FGF12: variants seen among roughly 807,000 people sequenced by gnomAD.
The protein encoded by FGF12 is fibroblast growth factor 12B.
FGF12 carries 14 observed loss-of-function variants against 23.6 expected under a neutral mutation model. The observed-to-expected ratio is 0.59, with a 90% CI of 0.39 to 0.93. The LOEUF (loss-of-function observed/expected upper bound fraction) is 0.93, where lower values mean the gene tolerates loss of function less well. Among genes scored for constraint, FGF12 ranks in the 40% least tolerant of loss-of-function variants. FGF12 has a pLI of 0.00. For missense variants in FGF12, 175 were observed against 217.8 expected (o/e 0.80, Z 1.24); for synonymous variants, 62 against 77.3 (o/e 0.80, Z 1.04).
chr3:192,466,827 C>G (rs56923731), intron 2 of FGF12, among the ~76,000 whole-genome samples: 1 of 152,088 alleles, frequency 6.6e-6, no homozygotes, highest in Admixed American at 6.5e-5. Flanking sequence ...AAATCCAGAG[C>G]CCCTGGCTTC....
In FGF12 at chr3:192,413,550, G is replaced by A. The variant is rs536878743; in HGVS notation, c.14-53012C>T. Among the ~76,000 whole-genome samples, 40 of 152,308 alleles carry A rather than the reference G, an allele frequency of 2.6e-4. 1 individual carries two copies. The highest frequency in any genetic ancestry group is 1.5e-3 in the East Asian group (8 of 5,186). On this transcript the variant is annotated intron_variant, in intron 2 of 5. Transcript: ENST00000445105. ...AAATCTCCATTTAAATTAAGTCCCT[G>A]CCATAAAATACAGATTTCCTAAAAC...
rs1167879311 is a variant in FGF12, at chr3:192,514,322, G to C, written c.14-153784C>G. On this transcript the variant is annotated intron_variant, in intron 2 of 5. Coordinates refer to ENST00000445105, the MANE Select transcript of FGF12 (RefSeq NM_004113.6). This position sits in a 1 kb window ranked among gnomAD's most constrained non-coding sequence, Gnocchi z 4.9. ...TTTCGGAGACACTGAACAACTCCAA[G>C]TCGCGCGCCGCCCTCGCAAATCGCA... Among the ~76,000 whole-genome samples, 1 of 152,256 alleles carries C rather than the reference G, an allele frequency of 6.6e-6. No individual in the cohort carries two copies. Among genetic ancestry groups the C allele is most frequent in the Non-Finnish European group, 1.5e-5 (1 of 68,048 alleles).
In FGF12 at chr3:192,493,229, G is replaced by A. The variant is rs140386415; in HGVS notation, c.14-132691C>T. Among the ~76,000 whole-genome samples, 796 of 152,104 alleles carry A rather than the reference G, an allele frequency of 5.2e-3. 4 individuals carry two copies. The highest frequency in any genetic ancestry group is 9.1e-3 in the Non-Finnish European group (620 of 67,984). On this transcript the variant is annotated intron_variant, in intron 2 of 5. Coordinates refer to ENST00000445105, the MANE Select transcript of FGF12 (RefSeq NM_004113.6). ...AGATTTCTTCCTTGAACCTCAGCTT[G>A]CTCATCTGTGAAAGGACTAAATTAT...
intron 2 of FGF12, among the ~76,000 whole-genome samples, chr3:192,529,619 C>G (rs1725038126): frequency 6.6e-6 from 1 of 152,134 alleles, no homozygotes; most frequent in African/African-American, 2.4e-5. Flanking sequence ...TAAAGACATA[C>G]TGGAGACTGG....
chr3:192,369,189 T>C (rs558573130), intron 2 of FGF12, among the ~76,000 whole-genome samples: 2 of 152,344 alleles, frequency 1.3e-5, no homozygotes, highest in South Asian at 4.1e-4. Flanking sequence ...AGTGTTTGTA[T>C]GCTGAAGGAA....
At chr3:192,717,670 C>A (rs930172341) in intron 2 of FGF12, among the ~76,000 whole-genome samples, 4 of 152,104 alleles carry the variant, frequency 2.6e-5, no homozygotes, top group Non-Finnish European at 5.9e-5. Context: ...ACTTATAATT[C>A]AATCGTCATT....
intron 4 of FGF12, among the ~76,000 whole-genome samples, chr3:192,206,015 T>A (rs35772852): frequency 0.084 from 12,787 of 152,118 alleles, 549 homozygotes; most frequent in East Asian, 0.13. Context: ...CAAGAGAAGG[T>A]CACAGGAAGT....
At chr3:192,230,237 G>A (rs1299203901) in intron 4 of FGF12, among the ~76,000 whole-genome samples, 1 of 152,054 alleles carries the variant, frequency 6.6e-6, no homozygotes, top group Admixed American at 6.6e-5. Context: ...AAAATGTTTT[G>A]ATATCCCAAT....
At chr3:192,353,366 C>CTCT (rs1718311807) in intron 3 of FGF12, among the ~76,000 whole-genome samples, 3 of 98,406 alleles carry the variant, frequency 3.0e-5, no homozygotes, top group African/African-American at 1.3e-4. Context: ...GAGCAGAAGT[C>CTCT]TTTTTTTTTT....
chr3:192,725,038 G>A (rs1056288283), intron 2 of FGF12, among the ~76,000 whole-genome samples: 11 of 152,090 alleles, frequency 7.2e-5, no homozygotes, highest in African/African-American at 1.9e-4. Flanking sequence ...GTTTGTACAC[G>A]GCAGCATAAA....
chr3:192,576,454 A>G (rs1315798128), intron 2 of FGF12, among the ~76,000 whole-genome samples: 1 of 152,210 alleles, frequency 6.6e-6, no homozygotes, highest in Non-Finnish European at 1.5e-5. Flanking sequence ...TTAAGAAGAA[A>G]GTTTGATTGG....
chr3:192,168,025 A>T (rs1577196635), intron 5 of FGF12, among the ~76,000 whole-genome samples: 1 of 151,796 alleles, frequency 6.6e-6, no homozygotes, highest in East Asian at 2.0e-4. Context: ...TCGGTCTCCC[A>T]AAGTCCTGGG....
chr3:192,594,576 T>A lies in FGF12; in HGVS notation c.13+132605A>T, dbSNP rs76857284. 6.0e-3 allele frequency among the ~76,000 whole-genome samples: 909 copies of A among 151,996 alleles called. 15 individuals are homozygous for A. The highest frequency in any genetic ancestry group is 0.021 in the African/African-American group (864 of 41,540). ...GAAACGTAATCCCCAAATTCATACG[T>A]TGATGGCTTTTGGAGATGAGGCCTT... On this transcript the variant is annotated intron_variant, in intron 2 of 5. Transcript: ENST00000445105.
intron 2 of FGF12, among the ~76,000 whole-genome samples, chr3:192,693,912 A>G (rs1251475023): frequency 6.6e-6 from 1 of 152,194 alleles, no homozygotes; most frequent in African/African-American, 2.4e-5. Flanking sequence ...GTGTCACTAC[A>G]TTAAACAAAA....
chr3:192,703,846 A>T (rs1718381016), intron 2 of FGF12, among the ~76,000 whole-genome samples: 1 of 152,182 alleles, frequency 6.6e-6, no homozygotes, highest in Non-Finnish European at 1.5e-5. Context: ...CTCCTACAGG[A>T]TTGCATGACT....
At chr3:192,401,994 A>G (rs900411763) in intron 2 of FGF12, among the ~76,000 whole-genome samples, 3 of 152,252 alleles carry the variant, frequency 2.0e-5, no homozygotes, top group Non-Finnish European at 4.4e-5. Context: ...AAATCAGCAA[A>G]CTGAGGTGCA....
rs1483457623 is a variant in FGF12, at chr3:192,141,538, CT to C, written c.*2470del. 6.6e-6 allele frequency: 1 copy of C among 151,864 alleles called. No homozygotes were observed. The highest frequency in any genetic ancestry group is 2.4e-5 in the African/African-American group (1 of 41,380). 9.4% of individuals were successfully genotyped at this position (151,864 alleles called of 1,614,324 possible). A position where few individuals can be genotyped will look rare whatever the true frequency, so the allele number is the denominator to read the frequency against. ...AACATTTTACTGCAGTGAACATTTG[CT>C]TAACATAATACGGAGAAAAACAATA... On this transcript the variant is annotated 3_prime_UTR_variant, in exon 6 of 6. Coordinates refer to ENST00000445105, the MANE Select transcript of FGF12 (RefSeq NM_004113.6).
chr3:192,713,422 C>G (rs549643622), intron 2 of FGF12, among the ~76,000 whole-genome samples: 7 of 152,226 alleles, frequency 4.6e-5, no homozygotes, highest in African/African-American at 1.7e-4. Flanking sequence ...TCACAATATA[C>G]TTTGTATAAC....
intron 2 of FGF12, among the ~76,000 whole-genome samples, chr3:192,681,205 A>G (rs1404402806): frequency 6.6e-6 from 1 of 152,212 alleles, no homozygotes; most frequent in Non-Finnish European, 1.5e-5. Context: ...AGAGGTGAGG[A>G]ATGTGAACTG....
Sources: gnomAD v4.1 joint callset for allele counts (sites outside exome capture counted in the v4.1 genomes callset) on GRCh38, gnomAD v4.1.1 for gene constraint, Gnocchi (gnomAD v3.1) non-coding constraint, MANE v1.5 for transcripts, NCBI Gene and HGNC (gene_info 2026-07-23, HGNC 2026-07-21) for gene names.